The following DNER variants were observed in gnomAD, a reference collection of about 807,000 sequenced individuals.
DNER encodes the protein delta/notch like EGF repeat containing, also known as delta and Notch-like epidermal growth factor-related receptor.
A neutral mutation model predicts 78.2 loss-of-function variants in DNER; 33 were observed. The ratio of observed to expected loss-of-function variants is 0.42; its 90% CI spans 0.32 to 0.56. The LOEUF (loss-of-function observed/expected upper bound fraction) is 0.56, where lower values mean the gene tolerates loss of function less well. Among genes scored for constraint, DNER ranks in the 20% least tolerant of loss-of-function variants. The pLI, the probability that DNER is intolerant of heterozygous loss-of-function variation, is 0.11. For missense variants in DNER, 918 were observed against 975.3 expected (o/e 0.94, Z 0.78); for synonymous variants, 417 against 384.8 (o/e 1.08, Z -0.98).
At chr2:229,518,946 G>A (rs981592834) in intron 5 of DNER, among the ~76,000 whole-genome samples, 4 of 139,284 alleles carry the variant, frequency 2.9e-5, no homozygotes, top group East Asian at 2.0e-4. Flanking sequence ...CAAATCATGC[G>A]ATTACTCTTT....
At chr2:229,549,284 C>G (rs976613910) in intron 4 of DNER, among the ~76,000 whole-genome samples, 1 of 152,022 alleles carries the variant, frequency 6.6e-6, no homozygotes, top group Non-Finnish European at 1.5e-5. Flanking sequence ...ATCTTGTGTA[C>G]AAAAAAATTA....
At chr2:229,555,484 T>C (rs1696839618) in intron 4 of DNER, among the ~76,000 whole-genome samples, 1 of 152,176 alleles carries the variant, frequency 6.6e-6, no homozygotes, top group Non-Finnish European at 1.5e-5. Flanking sequence ...CATAAGCCTC[T>C]CCTCCATATT....
At chr2:229,407,162 G>GT in intron 10 of DNER, 70 bp downstream of exon 10, 4 of 1,424,828 alleles carry the variant, frequency 2.8e-6, no homozygotes, top group Non-Finnish European at 3.9e-6. Flanking sequence ...ATGGATTTGG[G>GT]TTTTTTTAAC....
At chr2:229,475,922 C>A (rs536446004) in intron 7 of DNER, among the ~76,000 whole-genome samples, 290 of 152,262 alleles carry the variant, frequency 1.9e-3, no homozygotes, top group Non-Finnish European at 3.5e-3. Context: ...TAACCAAGGG[C>A]GTGACAGAGC....
At chr2:229,627,133 C>A (rs1460439147) in intron 1 of DNER, among the ~76,000 whole-genome samples, 2 of 152,112 alleles carry the variant, frequency 1.3e-5, no homozygotes, top group Non-Finnish European at 1.5e-5. Flanking sequence ...ACTTCTAGTC[C>A]CCTTCCAATT....
intron 6 of DNER, among the ~76,000 whole-genome samples, chr2:229,488,539 C>T (rs1420366604): frequency 2.0e-5 from 3 of 152,216 alleles, no homozygotes; most frequent in African/African-American, 7.2e-5. Flanking sequence ...ATCATCATTC[C>T]ATTTTATAGA....
chr2:229,568,838 A>G (rs1697160032), intron 4 of DNER, among the ~76,000 whole-genome samples: 1 of 152,192 alleles, frequency 6.6e-6, no homozygotes, highest in South Asian at 2.1e-4. Flanking sequence ...CTTGGATTAC[A>G]GGCATGAGCC....
chr2:229,637,185 C>A (rs1698544486), intron 1 of DNER, among the ~76,000 whole-genome samples: 1 of 152,178 alleles, frequency 6.6e-6, no homozygotes, highest in Non-Finnish European at 1.5e-5. Context: ...CATCTGTCAT[C>A]AATCATTTAA....
Position 229,645,178 on chromosome 2 carries a change from T to A in DNER, c.277-53290A>T, listed in dbSNP as rs138901210. 8.5e-5 allele frequency among the ~76,000 whole-genome samples: 13 copies of A among 152,288 alleles called. 1 individual carries two copies. The East Asian group carries it at 2.5e-3, about 29-fold the overall frequency. On this transcript the variant is annotated intron_variant, in intron 1 of 12. Coordinates refer to ENST00000341772, the MANE Select transcript of DNER (RefSeq NM_139072.4). ...CACCCGGTTAAATTTTTTTTATTTG[T>A]ATTTTTTTCTAAGAAATTGGGTCTT... is the stretch of plus-strand genomic sequence containing the variant.
intron 10 of DNER, among the ~76,000 whole-genome samples, chr2:229,406,470 A>T (rs916869652): frequency 6.6e-6 from 1 of 152,168 alleles, no homozygotes; most frequent in Non-Finnish European, 1.5e-5. Flanking sequence ...AGTTTCTTTC[A>T]CCTGTACTTT....
At chr2:229,620,991 CTG>C (rs1245406299) in intron 1 of DNER, among the ~76,000 whole-genome samples, 1 of 152,208 alleles carries the variant, frequency 6.6e-6, no homozygotes, top group East Asian at 1.9e-4. Context: ...GGCTCCAGCA[CTG>C]TGAGAAAATA....
chr2:229,537,066 G>A (rs1342418943), intron 5 of DNER, among the ~76,000 whole-genome samples: 4 of 152,130 alleles, frequency 2.6e-5, no homozygotes, highest in East Asian at 1.9e-4. Context: ...TGTAAGGTCC[G>A]TGGTCCCCAG....
chr2:229,613,509 A>T (rs1475455871), intron 1 of DNER, among the ~76,000 whole-genome samples: 1 of 152,204 alleles, frequency 6.6e-6, no homozygotes, highest in Non-Finnish European at 1.5e-5. Flanking sequence ...TGTAAGGCAA[A>T]TATTACCAAC....
At chr2:229,364,546 C>T (rs1430820664) in intron 12 of DNER, among the ~76,000 whole-genome samples, 2 of 152,082 alleles carry the variant, frequency 1.3e-5, no homozygotes, top group Non-Finnish European at 2.9e-5. Flanking sequence ...CATGCAGGGT[C>T]CAAGCTGGAG....
intron 11 of DNER, among the ~76,000 whole-genome samples, chr2:229,382,473 C>G (rs1692765331): frequency 6.6e-6 from 1 of 152,032 alleles, no homozygotes; most frequent in Admixed American, 6.6e-5. Context: ...CTCCTCTGAG[C>G]TAAAGAAGCA....
chr2:229,678,950 A>G (rs573626525), intron 1 of DNER, among the ~76,000 whole-genome samples: 19 of 152,336 alleles, frequency 1.2e-4, no homozygotes, highest in Admixed American at 1.0e-3. Flanking sequence ...TGTTGAACAG[A>G]TGTGAGGGGC....
chr2:229,495,092 G>A (rs62191997), intron 6 of DNER, among the ~76,000 whole-genome samples: 22,018 of 152,012 alleles, frequency 0.14, 1,877 homozygotes, highest in East Asian at 0.37. Flanking sequence ...GTTCTGATCC[G>A]TTTTAGCTTA....
At chr2:229,438,078 A>C (rs190855523) in intron 8 of DNER, among the ~76,000 whole-genome samples, 6 of 152,368 alleles carry the variant, frequency 3.9e-5, no homozygotes, top group African/African-American at 1.4e-4. Context: ...AGCTTCAGTC[A>C]CAGGTAGTTC....
In DNER at chr2:229,547,024, T is replaced by C; in HGVS notation, c.916A>G (p.Thr306Ala). The C allele has an allele frequency of 1.2e-6, 2 of 1,614,194 alleles. No homozygotes were observed. Among genetic ancestry groups the C allele is most frequent in the Non-Finnish European group, 1.7e-6 (2 of 1,180,026 alleles). ...GCGTGACTCTCCCCCGGCACACAGG[T>C]GCTGACCTTCACCACCAGAGTTAAG... ...LRLTLVVKVS[T>A]CVPGESHAND... The change falls in exon 5 of 13, where the codon ACC (threonine) becomes GCC (alanine). Residue 306 changes from threonine to alanine, a missense_variant. Coordinates refer to ENST00000341772, the MANE Select transcript of DNER (RefSeq NM_139072.4).
Sources: gnomAD v4.1 joint callset for allele counts (sites outside exome capture counted in the v4.1 genomes callset) on GRCh38, gnomAD v4.1.1 for gene constraint, MANE v1.5 for transcripts, NCBI Gene and HGNC (gene_info 2026-07-23, HGNC 2026-07-21) for gene names.